STAC: variants seen among roughly 807,000 people sequenced by gnomAD.
The protein encoded by STAC is SH3 and cysteine rich domain.
STAC carries 43 observed loss-of-function variants against 48.8 expected under a neutral mutation model. The observed-to-expected ratio is 0.88, with a 90% CI of 0.69 to 1.14. STAC has a LOEUF of 1.14. Among genes scored for constraint, STAC ranks in the 50% most tolerant of loss-of-function variants. The pLI is 0.00. For synonymous variants in STAC, 193 were observed against 179.5 expected (o/e 1.07, Z -0.60); for missense variants, 497 against 504.0 (o/e 0.99, Z 0.13).
intron 5 of STAC, among the ~76,000 whole-genome samples, chr3:36,492,092 A>C (rs1698003113): frequency 8.5e-6 from 1 of 117,596 alleles, no homozygotes; most frequent in African/African-American, 3.2e-5. Context: ...AGGCCCCCTA[A>C]ATTCCTCTTG....
intron 1 of STAC, among the ~76,000 whole-genome samples, chr3:36,386,273 A>G (rs1699613992): frequency 6.6e-6 from 1 of 151,754 alleles, no homozygotes; most frequent in Non-Finnish European, 1.5e-5. Context: ...ATGTCTTCTT[A>G]TGTAGTTGTT....
intron 1 of STAC, among the ~76,000 whole-genome samples, chr3:36,385,823 T>C (rs987607455): frequency 8.5e-5 from 13 of 152,102 alleles, no homozygotes; most frequent in South Asian, 2.1e-4. Context: ...TAGGTAGCAA[T>C]AGTTTTCATT....
intron 8 of STAC, among the ~76,000 whole-genome samples, chr3:36,525,892 G>T (rs1698920635): frequency 6.6e-6 from 1 of 152,204 alleles, no homozygotes; most frequent in Admixed American, 6.5e-5. Context: ...TATTAACTGA[G>T]AATTGAAAAT....
intron 6 of STAC, among the ~76,000 whole-genome samples, chr3:36,501,056 C>T (rs942743025): frequency 6.6e-6 from 1 of 152,110 alleles, no homozygotes; most frequent in Admixed American, 6.5e-5. Flanking sequence ...TGTGCCACTG[C>T]TCTCCAGCCT....
intron 8 of STAC, among the ~76,000 whole-genome samples, chr3:36,514,132 G>C (rs1698608678): frequency 7.0e-6 from 1 of 142,794 alleles, no homozygotes; most frequent in Non-Finnish European, 1.5e-5. Flanking sequence ...GTAAAATCTA[G>C]AATATTTATG....
chr3:36,539,773 A>G (rs1270637940), intron 10 of STAC, among the ~76,000 whole-genome samples: 1 of 152,198 alleles, frequency 6.6e-6, no homozygotes, highest in African/African-American at 2.4e-5. Context: ...TATGTCTGAA[A>G]GGAGAACTCT....
At chr3:36,428,972 G>C (rs1377083591) in intron 1 of STAC, among the ~76,000 whole-genome samples, 1 of 152,162 alleles carries the variant, frequency 6.6e-6, no homozygotes, top group Non-Finnish European at 1.5e-5. Flanking sequence ...ATTCAGTTAG[G>C]GAGACCTTGA....
chr3:36,384,602 T>A (rs1699577965), intron 1 of STAC, among the ~76,000 whole-genome samples: 1 of 152,206 alleles, frequency 6.6e-6, no homozygotes. Context: ...ATTACCATAA[T>A]GTAACTGAGT....
rs201731723 is a variant in STAC at position 36,528,855 on chromosome 3, T to C, written c.980T>C (p.Ile327Thr). 6.6e-5 allele frequency: 107 copies of C among 1,612,818 alleles called. 1 individual carries two copies. Among genetic ancestry groups the C allele is most frequent in the Non-Finnish European group, 2.5e-6 (3 of 1,179,342 alleles). ...DSNEDWWKGKIQDRIGFFPAN... is the reference protein window; with the variant it reads ...DSNEDWWKGKTQDRIGFFPAN... ...CCTCCTTTTTCCTTTCAGGGGAAAA[T>C]TCAAGACAGAATTGGCTTCTTTCCA... Residue 327 changes from isoleucine (I) to threonine (T), a missense_variant, in exon 10 of 11, where the codon ATT becomes ACT. Physicochemically the swap from Ile to Thr is moderately conservative, Grantham distance 89. Coordinates refer to ENST00000273183, the MANE Select transcript of STAC (RefSeq NM_003149.3).
chr3:36,400,665 G>T (rs182795579), intron 1 of STAC, among the ~76,000 whole-genome samples: 2 of 152,166 alleles, frequency 1.3e-5, no homozygotes, highest in African/African-American at 4.8e-5. Context: ...GATCTGGTAG[G>T]TACTGGGAGA....
intron 1 of STAC, among the ~76,000 whole-genome samples, chr3:36,424,641 AC>A (rs1700522134): frequency 6.6e-6 from 1 of 152,122 alleles, no homozygotes; most frequent in Non-Finnish European, 1.5e-5. Flanking sequence ...CAAGAACAGG[AC>A]AGGAAAAATA....
Position 36,546,342 on chromosome 3 carries a change from C to T in STAC, c.*53C>T, listed in dbSNP as rs866395718. 1.3e-6 allele frequency: 2 copies of T among 1,488,874 alleles called. No homozygotes were observed. The highest frequency in any genetic ancestry group is 1.1e-5 in the South Asian group (1 of 88,560). 92.2% of individuals were successfully genotyped at this position (1,488,874 alleles called of 1,614,324 possible). The stretch of plus-strand genomic sequence containing the variant: ...GGCAAGCTCTGCTGCGATGCCTCTG[C>T]CTCATCTCACACTGCGTCAACCCAA... On this transcript the variant is annotated 3_prime_UTR_variant, in exon 11 of 11. Transcript: ENST00000273183.
chr3:36,436,209 A>T lies in STAC; in HGVS notation c.112-7155A>T, dbSNP rs76379046. ...TCAACTCCAAATTCAGCCGTATCTT[A>T]CCATAACTATACAAGGCCAAGCTAA... On this transcript the variant is annotated intron_variant, in intron 1 of 10. Coordinates refer to ENST00000273183, the MANE Select transcript of STAC (RefSeq NM_003149.3). Among the ~76,000 whole-genome samples the T allele has an allele frequency of 2.2e-4, 33 of 152,322 alleles. No homozygotes were observed. In the East Asian group the frequency reaches 6.2e-3, roughly 28 times the overall value.
At chr3:36,453,544 C>T (rs940175571) in intron 2 of STAC, among the ~76,000 whole-genome samples, 1 of 152,238 alleles carries the variant, frequency 6.6e-6, no homozygotes, top group Non-Finnish European at 1.5e-5. Flanking sequence ...TCCCGCGGGG[C>T]AGGGCTGGGG....
Position 36,482,992 on chromosome 3 carries a change from G to C in STAC, c.389G>C (p.Gly130Ala). Residue 130 changes from glycine to alanine, a missense_variant and splice_region_variant, in exon 3 of 11, where the codon GGA becomes GCA. Physicochemically the swap from Gly to Ala is moderately conservative, Grantham distance 60. Coordinates refer to ENST00000273183, the MANE Select transcript of STAC (RefSeq NM_003149.3). ...FCDVCNHMIV[G>A]TNAKHGLRCK... is the part of the protein sequence containing the mutation. ...CCAAAGTTTGCCATGTACCTGACAGGAACAAATGCTAAGCATGGACTGCGC... is the reference window on the plus strand; with the variant it reads ...CCAAAGTTTGCCATGTACCTGACAGCAACAAATGCTAAGCATGGACTGCGC... 1 of 1,613,504 alleles carries C rather than the reference G, an allele frequency of 6.2e-7. No homozygotes were observed. The highest frequency in any genetic ancestry group is 1.1e-5 in the South Asian group (1 of 91,056).
At chr3:36,436,495 C>A (rs578200600) in intron 1 of STAC, among the ~76,000 whole-genome samples, 1 of 152,308 alleles carries the variant, frequency 6.6e-6, no homozygotes, top group African/African-American at 2.4e-5. Flanking sequence ...TAACCAGACG[C>A]ACCGACCTCC....
At chr3:36,483,923 C>G (rs187753277) in intron 3 of STAC, among the ~76,000 whole-genome samples, 58 of 152,288 alleles carry the variant, frequency 3.8e-4, no homozygotes, top group African/African-American at 1.4e-3. Flanking sequence ...TGTACTCTAG[C>G]TTGGGTGACA....
At chr3:36,393,283 A>G (rs562122278) in intron 1 of STAC, among the ~76,000 whole-genome samples, 2 of 151,750 alleles carry the variant, frequency 1.3e-5, no homozygotes, top group Non-Finnish European at 2.9e-5. Context: ...AACACCCTCA[A>G]CTCCCTTGCT....
intron 2 of STAC, among the ~76,000 whole-genome samples, chr3:36,463,327 G>C (rs2125685504): frequency 6.6e-6 from 1 of 152,102 alleles, no homozygotes; most frequent in Middle Eastern, 3.4e-3. Context: ...TCAGTCATTA[G>C]GCTAGTAAAG....
Sources: allele counts gnomAD v4.1 joint callset (sites outside exome capture counted in the v4.1 genomes callset), GRCh38; gene constraint gnomAD v4.1.1; transcripts MANE v1.5; gene names NCBI Gene and HGNC (gene_info 2026-07-23, HGNC 2026-07-21).